CTDSPL2: variants seen among roughly 807,000 people sequenced by gnomAD.
CTDSPL2 encodes CTD small phosphatase-like protein 2.
A neutral mutation model predicts 60.0 loss-of-function variants in CTDSPL2; 5 were observed. That is an observed-to-expected ratio of 0.08 (90% CI 0.04 to 0.18). CTDSPL2 has a LOEUF of 0.18. CTDSPL2 is among the 10% of genes least tolerant of loss of function. The pLI, the probability that CTDSPL2 is intolerant of heterozygous loss-of-function variation, is 1.00. For synonymous variants in CTDSPL2, 186 were observed against 189.3 expected, an observed-to-expected ratio of 0.98 and a Z score of 0.14; for missense variants, 370 against 548.8, an observed-to-expected ratio of 0.67 and a Z score of 3.26.
At chr15:44,491,604 T>C (rs1381334509) in intron 5 of CTDSPL2, among the ~76,000 whole-genome samples, 1 of 152,234 alleles carries the variant, frequency 6.6e-6, no homozygotes, top group Admixed American at 6.5e-5. Context: ...CCACCATTCT[T>C]AAAAGCAGAA....
At chr15:44,432,765 G>GC (rs2079886512) in intron 1 of CTDSPL2, among the ~76,000 whole-genome samples, 1 of 151,178 alleles carries the variant, frequency 6.6e-6, no homozygotes, top group Non-Finnish European at 1.5e-5. Flanking sequence ...CATTACAGGT[G>GC]CCCGCTATCA....
rs1295460120 is a variant in CTDSPL2, at chr15:44,524,101, C to A, written c.1336-8C>A. On this transcript the variant is annotated splice_region_variant and splice_polypyrimidine_tract_variant and intron_variant, in intron 12 of 12. Coordinates refer to ENST00000260327, the MANE Select transcript of CTDSPL2 (RefSeq NM_016396.3). ...TGCCTTTTTAAAAATTGTCTTTTTT[C>A]CACGCAGAATGAAGATGTTCGACCA... The A allele has an allele frequency of 6.2e-7, 1 of 1,612,428 alleles. No homozygotes were observed. The highest frequency in any genetic ancestry group is 8.5e-7 in the Non-Finnish European group (1 of 1,179,054).
chr15:44,440,970 T>C (rs1261333513), intron 1 of CTDSPL2, among the ~76,000 whole-genome samples: 1 of 152,158 alleles, frequency 6.6e-6, no homozygotes, highest in African/African-American at 2.4e-5. Context: ...GTAGTTGGCA[T>C]GTGGGAAGGT....
At chr15:44,469,483 T>G (rs1374997688) in intron 2 of CTDSPL2, among the ~76,000 whole-genome samples, 1 of 152,208 alleles carries the variant, frequency 6.6e-6, no homozygotes, top group Non-Finnish European at 1.5e-5. Flanking sequence ...TATTCCTTTC[T>G]CTATATGCCA....
At chr15:44,492,946 A>G (rs1177784475) in intron 5 of CTDSPL2, among the ~76,000 whole-genome samples, 1 of 152,178 alleles carries the variant, frequency 6.6e-6, no homozygotes, top group Non-Finnish European at 1.5e-5. Flanking sequence ...CTCTTGTATA[A>G]GCCTTTTTAT....
At chr15:44,493,498 T>C (rs1453504045) in intron 5 of CTDSPL2, among the ~76,000 whole-genome samples, 6 of 152,084 alleles carry the variant, frequency 3.9e-5, no homozygotes, top group African/African-American at 1.4e-4. Flanking sequence ...TATAAGCACT[T>C]AACAAATATT....
chr15:44,487,318 G>C (rs912652194), intron 4 of CTDSPL2, among the ~76,000 whole-genome samples: 1 of 152,106 alleles, frequency 6.6e-6, no homozygotes, highest in African/African-American at 2.4e-5. Flanking sequence ...ATTTGGGCGT[G>C]GTAGTGCACG....
At chr15:44,475,153 C>T (rs1164132391) in intron 2 of CTDSPL2, among the ~76,000 whole-genome samples, 1 of 151,876 alleles carries the variant, frequency 6.6e-6, no homozygotes, top group African/African-American at 2.4e-5. Flanking sequence ...TCTCTACATA[C>T]TAGATATTAC....
At chr15:44,500,868 C>T (rs948636976) in intron 8 of CTDSPL2, among the ~76,000 whole-genome samples, 1 of 152,052 alleles carries the variant, frequency 6.6e-6, no homozygotes, top group African/African-American at 2.4e-5. Context: ...GGTATTGTAG[C>T]TATGGCAATA....
At chr15:44,523,483 A>G (rs539268994) in intron 12 of CTDSPL2, among the ~76,000 whole-genome samples, 26 of 152,156 alleles carry the variant, frequency 1.7e-4, no homozygotes, top group African/African-American at 6.0e-4. Context: ...GTGTGTGCCT[A>G]TAATTCCAGC....
intron 8 of CTDSPL2, chr15:44,502,157 G>T (rs892819455): frequency 4.8e-6 from 1 of 208,738 alleles, no homozygotes; most frequent in African/African-American, 2.3e-5. Context: ...ATTTATTGAG[G>T]TGAAATTTAC....
rs933052251 is a variant in CTDSPL2, at chr15:44,528,216, C to G, written c.*4042C>G. ...CTTTTGATATTAGTATTTTAAGATA[C>G]ATCAGTTGATCCCGAAACCTGACCA... On this transcript the variant is annotated 3_prime_UTR_variant, in exon 13 of 13. Coordinates refer to ENST00000260327, the MANE Select transcript of CTDSPL2 (RefSeq NM_016396.3). 3.3e-5 allele frequency: 5 copies of G among 152,088 alleles called. No homozygotes were observed. The highest frequency in any genetic ancestry group is 1.2e-4 in the African/African-American group (5 of 41,422). 9.4% of individuals were successfully genotyped at this position (152,088 alleles called of 1,614,324 possible). A position where few individuals can be genotyped will look rare whatever the true frequency, so the allele number is the denominator to read the frequency against.
intron 1 of CTDSPL2, among the ~76,000 whole-genome samples, chr15:44,452,285 T>C (rs2080348452): frequency 6.6e-6 from 1 of 152,236 alleles, no homozygotes; most frequent in Non-Finnish European, 1.5e-5. Flanking sequence ...AAATTCTTTT[T>C]AATGATGTTA....
chr15:44,441,835 C>G (rs1409071500), intron 1 of CTDSPL2, among the ~76,000 whole-genome samples: 1 of 152,134 alleles, frequency 6.6e-6, no homozygotes, highest in Admixed American at 6.6e-5. Context: ...GAATGAATCT[C>G]TAGGAAAAAC....
intron 8 of CTDSPL2, among the ~76,000 whole-genome samples, chr15:44,508,501 A>G (rs2081510139): frequency 6.6e-6 from 1 of 151,874 alleles, no homozygotes; most frequent in Non-Finnish European, 1.5e-5. Flanking sequence ...TTTTGATTAA[A>G]AGAAAACAGA....
chr15:44,466,378 A>G (rs2140723915), intron 2 of CTDSPL2, among the ~76,000 whole-genome samples: 1 of 152,356 alleles, frequency 6.6e-6, no homozygotes, highest in South Asian at 2.1e-4. Flanking sequence ...GGAATGAAAA[A>G]AAATCAGCTC....
At chr15:44,497,201 C>A in intron 7 of CTDSPL2, 63 bp downstream of exon 7, 1 of 899,326 alleles carries the variant, frequency 1.1e-6, no homozygotes. Flanking sequence ...TAGAATCATG[C>A]TTATGTTAGC....
Position 44,433,225 on chromosome 15 carries a change from G to A in CTDSPL2, c.-25+5453G>A, listed in dbSNP as rs1000283682. On this transcript the variant is annotated intron_variant, in intron 1 of 12. Coordinates refer to ENST00000260327, the MANE Select transcript of CTDSPL2 (RefSeq NM_016396.3). ...AGCCACTAGCGGGGCTGAGTAGGGG[G>A]AATTGCTTGAGCCCAGGAGGTTGAG... Among the ~76,000 whole-genome samples the A allele has an allele frequency of 3.3e-5, 5 of 150,892 alleles. 1 individual carries two copies. The East Asian group carries it at 1.0e-3, about 30-fold the overall frequency.
chr15:44,442,718 G>A (rs2080116949), intron 1 of CTDSPL2, among the ~76,000 whole-genome samples: 1 of 151,986 alleles, frequency 6.6e-6, no homozygotes, highest in South Asian at 2.1e-4. Flanking sequence ...GCTCACGCCT[G>A]TAATCACAGC....
Sources: gnomAD v4.1 joint callset for allele counts (sites outside exome capture counted in the v4.1 genomes callset) on GRCh38, gnomAD v4.1.1 for gene constraint, MANE v1.5 for transcripts, NCBI Gene and HGNC (gene_info 2026-07-23, HGNC 2026-07-21) for gene names.